The following TAMALIN variants were observed in gnomAD, a reference collection of about 807,000 sequenced individuals.
TAMALIN encodes the protein trafficking regulator and scaffold protein tamalin.
A neutral mutation model predicts 38.5 loss-of-function variants in TAMALIN; 9 were observed. The observed-to-expected ratio is 0.23, with a 90% CI of 0.14 to 0.41. TAMALIN has a LOEUF of 0.41. TAMALIN is among the 10% of genes least tolerant of loss of function. The pLI is 1.00. For synonymous variants in TAMALIN, 306 were observed against 256.5 expected, an observed-to-expected ratio of 1.19 and a Z score of -1.85; for missense variants, 548 against 554.1, an observed-to-expected ratio of 0.99 and a Z score of 0.11.
chr12:52,009,064 C>G lies in TAMALIN; in HGVS notation c.247-126C>G, dbSNP rs1308061879. ...GCAAATAGTTCCACCAGCACCAAAA[C>G]AGGTGTGGATGTGGAGCTGGGAAGG... On this transcript the variant is annotated intron_variant, in intron 1 of 7. Coordinates refer to ENST00000293662, the MANE Select transcript of TAMALIN (RefSeq NM_181711.4). The G allele has an allele frequency of 6.7e-6, 6 of 894,136 alleles. No individual in the cohort carries two copies. The East Asian group carries it at 1.5e-4, about 22-fold the overall frequency. The allele number at this position is 894,136 out of a possible 1,614,324, so 55.4% of individuals were successfully genotyped here. A position where few individuals can be genotyped will look rare whatever the true frequency, so the allele number is the denominator to read the frequency against.
At chr12:52,008,455 G>GT (rs1400410961) in intron 1 of TAMALIN, 2 of 979,432 alleles carry the variant, frequency 2.0e-6, no homozygotes, top group African/African-American at 3.6e-5. Context: ...CGGTCCTTTA[G>GT]TGAGACTTGC....
Position 52,011,224 on chromosome 12 carries a change from G to A in TAMALIN, c.454+83G>A. 1 of 1,593,946 alleles carries A rather than the reference G, an allele frequency of 6.3e-7. No homozygotes were observed. Among genetic ancestry groups the A allele is most frequent in the Non-Finnish European group, 8.5e-7 (1 of 1,176,022 alleles). ...GCAAAGGGGGTGAGCAATCTCTCCT[G>A]AAATCAATTCCTCTTCCTTTTCCTT... On this transcript the variant is annotated intron_variant, in intron 4 of 7. Coordinates refer to ENST00000293662, the MANE Select transcript of TAMALIN (RefSeq NM_181711.4). This position sits in a 1 kb window ranked among gnomAD's most constrained non-coding sequence, Gnocchi z 5.3.
rs565247333 is a variant in TAMALIN at position 52,009,519 on chromosome 12, G to A, written c.296+280G>A. On this transcript the variant is annotated intron_variant, in intron 2 of 7. Coordinates refer to ENST00000293662, the MANE Select transcript of TAMALIN (RefSeq NM_181711.4). ...GAGATCTGGATGAACGGATGTGGGA[G>A]TTGGGAGGGGGTGTAGGCAAAGTCT... is the stretch of plus-strand genomic sequence containing the variant. 2.6e-5 allele frequency among the ~76,000 whole-genome samples: 4 copies of A among 152,348 alleles called. No homozygotes were observed. In the South Asian group the frequency reaches 8.3e-4, roughly 32 times the overall value.
intron 2 of TAMALIN, chr12:52,010,399 C>A (rs1225016881): frequency 3.3e-6 from 2 of 612,326 alleles, no homozygotes; most frequent in African/African-American, 2.0e-5. Context: ...TCCCCTCCCC[C>A]AGCCCCCACA....
At chr12:52,012,231 C>G (rs562815745) in intron 4 of TAMALIN, among the ~76,000 whole-genome samples, 36 of 152,364 alleles carry the variant, frequency 2.4e-4, no homozygotes, top group Non-Finnish European at 4.3e-4. Flanking sequence ...TGGATCCCTT[C>G]ACTGGGCAGA....
In TAMALIN at chr12:52,011,446, C is replaced by G; in HGVS notation, c.454+305C>G. 1.7e-6 allele frequency: 1 copy of G among 582,996 alleles called. No individual in the cohort carries two copies. Among genetic ancestry groups the G allele is most frequent in the Non-Finnish European group, 3.1e-6 (1 of 326,180 alleles). 36.1% of individuals were successfully genotyped at this position (582,996 alleles called of 1,614,324 possible). On this transcript the variant is annotated intron_variant, in intron 4 of 7. Coordinates refer to ENST00000293662, the MANE Select transcript of TAMALIN (RefSeq NM_181711.4). This position sits in a 1 kb window ranked among gnomAD's most constrained non-coding sequence, Gnocchi z 5.3. Reference sequence around the variant, plus strand: ...AATGGTGGATGATGCTGCTGCTGCTCTGATTCCTCCCAGCAACCCTGGCAG... The same window carrying G: ...AATGGTGGATGATGCTGCTGCTGCTGTGATTCCTCCCAGCAACCCTGGCAG...
intron 1 of TAMALIN, chr12:52,008,134 C>T (rs1592270807): frequency 2.0e-6 from 2 of 985,430 alleles, no homozygotes; most frequent in Middle Eastern, 5.2e-4. Flanking sequence ...TCTCTCTGTG[C>T]TGCCCAGTCC....
At chr12:52,010,358 C>A in intron 2 of TAMALIN, 2 of 217,040 alleles carry the variant, frequency 9.2e-6, no homozygotes, top group Non-Finnish European at 7.9e-6. Context: ...AGCGGGCAGG[C>A]CTTCAGTGCG....
At position 52,011,431 on chromosome 12, in the gene TAMALIN, G is replaced by T; in HGVS notation, c.454+290G>T. The T allele has an allele frequency of 1.7e-6, 1 of 589,946 alleles. No individual in the cohort carries two copies. Among genetic ancestry groups the T allele is most frequent in the Non-Finnish European group, 3.0e-6 (1 of 330,178 alleles). 36.5% of individuals were successfully genotyped at this position (589,946 alleles called of 1,614,324 possible). A position where few individuals can be genotyped will look rare whatever the true frequency, so the allele number is the denominator to read the frequency against. On this transcript the variant is annotated intron_variant, in intron 4 of 7. Transcript: ENST00000293662. The surrounding 1 kb of genome is among the most constrained non-coding windows in gnomAD (Gnocchi z 5.3). The stretch of plus-strand genomic sequence containing the variant: ...TGCCAGGGCCTAATTAATGGTGGAT[G>T]ATGCTGCTGCTGCTCTGATTCCTCC...
Position 52,015,053 on chromosome 12 carries a change from C to T in TAMALIN, c.1042C>T (p.Pro348Ser). 7.3e-7 allele frequency: 1 copy of T among 1,379,148 alleles called. No individual in the cohort carries two copies. The highest frequency in any genetic ancestry group is 1.6e-5 in the South Asian group (1 of 64,114). The allele number at this position is 1,379,148 out of a possible 1,614,324, so 85.4% of individuals were successfully genotyped here. The part of the protein sequence containing the change: ...GPGGGGGGGA[P>S]GALWTEAREQ... ...TGGCGGGGGCGGAGGCGGGGGCGCG[C>T]CGGGCGCGCTCTGGACTGAGGCTCG... The change falls in exon 8 of 8, where the codon CCG becomes TCG. Residue 348 changes from proline (P) to serine (S), a missense_variant. By Grantham distance (74) the Pro-to-Ser change is moderately conservative. Transcript: ENST00000293662.
intron 4 of TAMALIN, 119 bp from the exon 5 acceptor site, chr12:52,013,568 G>T: frequency 2.7e-6 from 2 of 743,474 alleles, no homozygotes; most frequent in Admixed American, 4.1e-5. Flanking sequence ...TTGGAGGAGG[G>T]AGTTCAGGAG....
intron 1 of TAMALIN, 63 bp from the exon 2 acceptor site, chr12:52,009,127 T>C: frequency 1.3e-6 from 2 of 1,520,838 alleles, no homozygotes; most frequent in Non-Finnish European, 1.8e-6. Context: ...CAGGGTAACC[T>C]CTCAGTGTCT....
Position 52,007,053 on chromosome 12 carries a change from AAGG to A in TAMALIN, c.41_43del (p.Glu14del). ...CCGCCGACTCAGGAAGCTGCAGCAG[AAGG>A]AGGAGGCGGCGGCCACCCCGGACCC... On this transcript the variant is annotated inframe_deletion, in exon 1 of 8. Coordinates refer to ENST00000293662, the MANE Select transcript of TAMALIN (RefSeq NM_181711.4). The surrounding 1 kb of genome is among the most constrained non-coding windows in gnomAD (Gnocchi z 6.7). 2 of 1,455,220 alleles carry A rather than the reference AAGG, an allele frequency of 1.4e-6. No individual in the cohort carries two copies. The highest frequency in any genetic ancestry group is 2.7e-5 in the Admixed American group (1 of 37,008). 90.1% of individuals were successfully genotyped at this position (1,455,220 alleles called of 1,614,324 possible).
intron 2 of TAMALIN, among the ~76,000 whole-genome samples, 160 bp from the exon 3 acceptor site, chr12:52,010,721 G>A (rs933624211): frequency 2.0e-5 from 3 of 152,204 alleles, no homozygotes; most frequent in Non-Finnish European, 2.9e-5. Flanking sequence ...AATTGGGTAT[G>A]GGAAAGACAT....
chr12:52,015,301 G>C lies in TAMALIN; in HGVS notation c.*102G>C. 1 of 1,345,328 alleles carries C rather than the reference G, an allele frequency of 7.4e-7. No homozygotes were observed. Among genetic ancestry groups the C allele is most frequent in the Non-Finnish European group, 9.7e-7 (1 of 1,027,790 alleles). 83.3% of individuals were successfully genotyped at this position (1,345,328 alleles called of 1,614,324 possible). A position where few individuals can be genotyped will look rare whatever the true frequency, so the allele number is the denominator to read the frequency against. On this transcript the variant is annotated 3_prime_UTR_variant, in exon 8 of 8. Transcript: ENST00000293662. ...GAGGACCCCAGGAGCCCAGAGCAGC[G>C]GGAGAGGGTCCTTCCTAGCCTCGGC...
At chr12:52,012,845 G>A (rs2120847027) in intron 4 of TAMALIN, among the ~76,000 whole-genome samples, 1 of 152,244 alleles carries the variant, frequency 6.6e-6, no homozygotes, top group South Asian at 2.1e-4. Flanking sequence ...TATCCCTCTG[G>A]GGGCCAGTCA....
chr12:52,007,136 G>T lies in TAMALIN; in HGVS notation c.117G>T (p.Pro39=). The change falls in exon 1 of 8, where the codon CCG becomes CCT. Residue 39 remains proline, a synonymous_variant. Transcript: ENST00000293662. This position sits in a 1 kb window ranked among gnomAD's most constrained non-coding sequence, Gnocchi z 6.7. The stretch of plus-strand genomic sequence containing the variant: ...CGCCCGCCGCTCCGGTCCCGACCCC[G>T]GGACCCCCTGCCGCAGCCGCCACCC... ...EVAPAAPVPT[P]GPPAAAATPG... is the part of the protein sequence containing the mutation. The T allele has an allele frequency of 2.0e-6, 3 of 1,486,322 alleles. No individual in the cohort carries two copies. The highest frequency in any genetic ancestry group is 2.7e-6 in the Non-Finnish European group (3 of 1,126,394). 92.1% of individuals were successfully genotyped at this position (1,486,322 alleles called of 1,614,324 possible).
At chr12:52,008,229 G>C (rs1360354891) in intron 1 of TAMALIN, 4 of 985,352 alleles carry the variant, frequency 4.1e-6, no homozygotes, top group African/African-American at 1.7e-5. Flanking sequence ...GGGCAGCTTT[G>C]GGGGAGGGTT....
In TAMALIN at chr12:52,010,896, G is replaced by A. The variant is rs745358844; in HGVS notation, c.312G>A (p.Leu104=). 6.2e-7 allele frequency: 1 copy of A among 1,614,116 alleles called. No homozygotes were observed. The highest frequency in any genetic ancestry group is 8.5e-7 in the Non-Finnish European group (1 of 1,180,032). Residue 104 remains leucine (L), a synonymous_variant, in exon 3 of 8, where the codon TTG becomes TTA. Coordinates refer to ENST00000293662, the MANE Select transcript of TAMALIN (RefSeq NM_181711.4). ...SPEQQRKVLT[L]EKEDNQTFGF... ...TCTCTTGCAGGAAAGTGCTGACGTT[G>A]GAGAAGGAGGATAACCAGACCTTCG...
Sources: allele counts gnomAD v4.1 joint callset (sites outside exome capture counted in the v4.1 genomes callset), GRCh38; gene constraint gnomAD v4.1.1; non-coding constraint Gnocchi (gnomAD v3.1); transcripts MANE v1.5; gene names NCBI Gene and HGNC (gene_info 2026-07-23, HGNC 2026-07-21).